TFDP2: variants seen among roughly 807,000 people sequenced by gnomAD.
TFDP2 encodes transcription factor Dp-2 (E2F dimerization partner 2).
Under a neutral mutation model 59.3 loss-of-function variants are expected in TFDP2, and 17 were observed. The observed-to-expected ratio is 0.29, with a 90% confidence interval of 0.20 to 0.43. The LOEUF (loss-of-function observed/expected upper bound fraction) is 0.43, where lower values mean the gene tolerates loss of function less well. Among genes scored for constraint, TFDP2 ranks in the 20% least tolerant of loss-of-function variants. TFDP2 has a pLI of 1.00. For synonymous variants in TFDP2, 180 were observed against 194.7 expected (o/e 0.92, Z 0.63); for missense variants, 391 against 528.8 (o/e 0.74, Z 2.56).
chr3:142,059,387 A>T (rs972327369), intron 3 of TFDP2, among the ~76,000 whole-genome samples: 5 of 152,214 alleles, frequency 3.3e-5, no homozygotes, highest in Admixed American at 6.5e-5. Flanking sequence ...GGCCAGTAAA[A>T]TAATCAATGA....
intron 3 of TFDP2, among the ~76,000 whole-genome samples, chr3:142,042,509 AG>A (rs1947032186): frequency 6.6e-6 from 1 of 151,916 alleles, no homozygotes; most frequent in South Asian, 2.1e-4. Context: ...CATGTTGGCC[AG>A]GATGGTCTCG....
At chr3:142,095,148 G>A (rs1296926880) in intron 2 of TFDP2, among the ~76,000 whole-genome samples, 19 of 152,012 alleles carry the variant, frequency 1.2e-4, no homozygotes, top group African/African-American at 4.3e-4. Flanking sequence ...CCACCACCAC[G>A]CCCAGCTAAT....
chr3:141,963,988 T>C (rs757081557), intron 9 of TFDP2, 25 bp from the exon 10 acceptor site: 9 of 1,602,972 alleles, frequency 5.6e-6, no homozygotes, highest in Non-Finnish European at 5.1e-6. Context: ...AAAAACAATA[T>C]GGTCAATTGT....
chr3:142,009,728 G>GAA (rs1553774848), intron 3 of TFDP2, among the ~76,000 whole-genome samples: 1 of 146,758 alleles, frequency 6.8e-6, no homozygotes, highest in African/African-American at 2.5e-5. Context: ...AAAAAAAAAA[G>GAA]AAAGAAAAAG....
At chr3:141,994,108 C>T (rs1290817597) in intron 5 of TFDP2, among the ~76,000 whole-genome samples, 2 of 152,160 alleles carry the variant, frequency 1.3e-5, no homozygotes, top group African/African-American at 2.4e-5. Context: ...GTCATTTCAG[C>T]TCATTTGATA....
intron 3 of TFDP2, among the ~76,000 whole-genome samples, chr3:142,012,469 G>A (rs1944799761): frequency 2.0e-5 from 3 of 152,122 alleles, no homozygotes; most frequent in African/African-American, 4.8e-5. Flanking sequence ...TAATAAACTA[G>A]GCAGATAAGA....
chr3:142,122,523 T>C (rs1194778719), intron 1 of TFDP2, among the ~76,000 whole-genome samples: 1 of 152,200 alleles, frequency 6.6e-6, no homozygotes, highest in Non-Finnish European at 1.5e-5. Context: ...GAGATATACC[T>C]ATAACAAGTG....
At chr3:142,071,956 C>T (rs540418558) in intron 3 of TFDP2, among the ~76,000 whole-genome samples, 4 of 152,140 alleles carry the variant, frequency 2.6e-5, no homozygotes, top group African/African-American at 7.2e-5. Context: ...GTATAGATTT[C>T]GGAATCATAC....
At chr3:141,965,559 G>GAGGGGAAGGGGA (rs1208283519) in intron 9 of TFDP2, among the ~76,000 whole-genome samples, 14 of 135,876 alleles carry the variant, frequency 1.0e-4, no homozygotes, top group Non-Finnish European at 1.4e-4. Flanking sequence ...GGGGAAGGGG[G>GAGGGGAAGGGGA]AGGGGAAGGG....
chr3:141,975,717 T>C (rs978509647), intron 7 of TFDP2, among the ~76,000 whole-genome samples: 2 of 149,484 alleles, frequency 1.3e-5, no homozygotes, highest in African/African-American at 4.9e-5. Context: ...AAAAGAAATC[T>C]TGACCCTGTA....
chr3:141,972,160 T>C (rs1206093548), intron 8 of TFDP2, among the ~76,000 whole-genome samples: 1 of 152,212 alleles, frequency 6.6e-6, no homozygotes, highest in African/African-American at 2.4e-5. Context: ...TGTGTGGCGT[T>C]CTGCATTTGA....
At chr3:142,092,031 T>A (rs1179345449) in intron 3 of TFDP2, among the ~76,000 whole-genome samples, 2 of 152,156 alleles carry the variant, frequency 1.3e-5, no homozygotes, top group Non-Finnish European at 2.9e-5. Flanking sequence ...TCCTACAGTT[T>A]ATAATGAAAA....
chr3:142,096,059 C>T (rs2061153041), intron 2 of TFDP2, among the ~76,000 whole-genome samples: 1 of 152,274 alleles, frequency 6.6e-6, no homozygotes, highest in Non-Finnish European at 1.5e-5. Context: ...TATCCAACTT[C>T]TGCAGAGTAA....
intron 3 of TFDP2, among the ~76,000 whole-genome samples, chr3:142,052,482 T>C (rs1227925719): frequency 6.6e-6 from 1 of 152,068 alleles, no homozygotes; most frequent in Admixed American, 6.5e-5. Context: ...GAGACGGAGC[T>C]TGCAGTGAGT....
intron 3 of TFDP2, chr3:142,028,492 C>A (rs1431835497): frequency 1.1e-6 from 1 of 888,764 alleles, no homozygotes; most frequent in Non-Finnish European, 1.3e-6. Context: ...GGCTATTTAT[C>A]AATTTAATAT....
chr3:142,043,527 C>T (rs1947134376), intron 3 of TFDP2: 1 of 569,464 alleles, frequency 1.8e-6, no homozygotes, highest in Non-Finnish European at 3.1e-6. Context: ...CCACACTCGG[C>T]TAATTTATTT....
intron 3 of TFDP2, among the ~76,000 whole-genome samples, chr3:142,011,773 C>G (rs1944728540): frequency 1.3e-5 from 2 of 151,794 alleles, no homozygotes; most frequent in African/African-American, 2.4e-5. Flanking sequence ...GACTTGGCAC[C>G]TACTATTCTA....
At chr3:142,047,137 A>AAAGACTTCC (rs1947380335) in intron 3 of TFDP2, among the ~76,000 whole-genome samples, 2 of 152,244 alleles carry the variant, frequency 1.3e-5, no homozygotes, top group Non-Finnish European at 2.9e-5. Flanking sequence ...AACAACGTTG[A>AAAGACTTCC]AAGACTTCCA....
At chr3:142,063,393 T>C (rs1007514456) in intron 3 of TFDP2, among the ~76,000 whole-genome samples, 68 of 152,298 alleles carry the variant, frequency 4.5e-4, no homozygotes, top group African/African-American at 1.6e-3. Flanking sequence ...CTTCTCTTCA[T>C]AAGCAAAACT....
Sources: allele counts gnomAD v4.1 joint callset (sites outside exome capture counted in the v4.1 genomes callset), GRCh38; gene constraint gnomAD v4.1.1; transcripts MANE v1.5; gene names NCBI Gene and HGNC (gene_info 2026-07-23, HGNC 2026-07-21).